The following TRIM44 variants were observed in gnomAD, a reference collection of about 807,000 sequenced individuals.
TRIM44 encodes the protein tripartite motif containing 44.
TRIM44 carries 13 observed loss-of-function variants against 37.4 expected under a neutral mutation model. That is an observed-to-expected ratio of 0.35 (90% CI 0.23 to 0.55). The LOEUF is 0.55. Among genes scored for constraint, TRIM44 ranks in the 20% least tolerant of loss-of-function variants. The probability of loss-of-function intolerance (pLI) is 0.89; values close to 1 mark genes in which losing one functional copy is unlikely to be tolerated. For missense variants in TRIM44, 426 were observed against 437.2 expected (o/e 0.97, Z 0.23); for synonymous variants, 175 against 157.2 (o/e 1.11, Z -0.85).
chr11:35,765,286 G>A (rs903320777), intron 4 of TRIM44, among the ~76,000 whole-genome samples: 2 of 152,114 alleles, frequency 1.3e-5, no homozygotes, highest in Non-Finnish European at 2.9e-5. Flanking sequence ...TTGCTTTCAA[G>A]GCATCATAGC....
chr11:35,809,434 TCA>T lies in TRIM44; in HGVS notation c.*3052_*3053del, dbSNP rs1172367635. ...TATGAATCTTCTTCAAAATGACATT[TCA>T]CAGTTATAGTTAGGGCTCAGAAATG... On this transcript the variant is annotated 3_prime_UTR_variant, in exon 5 of 5. Transcript: ENST00000299413. 6.6e-6 allele frequency: 1 copy of T among 152,194 alleles called. No homozygotes were observed. The highest frequency in any genetic ancestry group is 1.5e-5 in the Non-Finnish European group (1 of 68,034). The allele number at this position is 152,194 out of a possible 1,614,324, so 9.4% of individuals were successfully genotyped here.
intron 2 of TRIM44, among the ~76,000 whole-genome samples, chr11:35,687,590 C>T (rs191837435): frequency 4.6e-5 from 7 of 152,230 alleles, no homozygotes; most frequent in Admixed American, 3.9e-4. Flanking sequence ...GAAGAGGGAG[C>T]GGATGTGTAC....
intron 2 of TRIM44, among the ~76,000 whole-genome samples, chr11:35,722,625 GTA>G (rs1471194224): frequency 6.6e-6 from 1 of 152,236 alleles, no homozygotes; most frequent in Non-Finnish European, 1.5e-5. Context: ...TGGTGGGACT[GTA>G]ATGGTGAGGA....
intron 1 of TRIM44, among the ~76,000 whole-genome samples, chr11:35,683,049 G>T (rs971678022): frequency 2.6e-5 from 4 of 152,104 alleles, no homozygotes; most frequent in Non-Finnish European, 5.9e-5. Flanking sequence ...TGAGAAGCAG[G>T]TTAGAGGAAT....
intron 4 of TRIM44, among the ~76,000 whole-genome samples, chr11:35,739,553 G>A (rs1426384146): frequency 6.6e-6 from 1 of 152,110 alleles, no homozygotes; most frequent in Non-Finnish European, 1.5e-5. Flanking sequence ...CCTGTTTTCT[G>A]CAGGTTGCTT....
chr11:35,692,610 C>T (rs575222555), intron 2 of TRIM44, among the ~76,000 whole-genome samples: 11 of 151,978 alleles, frequency 7.2e-5, no homozygotes, highest in Non-Finnish European at 5.9e-5. Flanking sequence ...GACGTTTAAC[C>T]TGGATTATAT....
chr11:35,711,003 A>T (rs1474646453), intron 2 of TRIM44, among the ~76,000 whole-genome samples: 1 of 152,216 alleles, frequency 6.6e-6, no homozygotes, highest in Non-Finnish European at 1.5e-5. Flanking sequence ...ATATATAGAG[A>T]TAGAAAGAGA....
chr11:35,804,768 A>G (rs1853426824), intron 4 of TRIM44, among the ~76,000 whole-genome samples: 1 of 152,146 alleles, frequency 6.6e-6, no homozygotes. Flanking sequence ...TGATTGTATA[A>G]CCAGCAGGAA....
At chr11:35,708,606 T>C (rs1851920979) in intron 2 of TRIM44, among the ~76,000 whole-genome samples, 1 of 151,714 alleles carries the variant, frequency 6.6e-6, no homozygotes. Context: ...TTCATGTCCT[T>C]TGTAGGGACA....
intron 2 of TRIM44, among the ~76,000 whole-genome samples, chr11:35,696,861 C>CAATT (rs943637006): frequency 6.0e-5 from 9 of 151,020 alleles, no homozygotes; most frequent in African/African-American, 1.7e-4. Flanking sequence ...AAAAAAACAA[C>CAATT]AATTAATTAA....
intron 4 of TRIM44, among the ~76,000 whole-genome samples, chr11:35,790,791 AG>A (rs1403558061): frequency 6.6e-6 from 1 of 152,166 alleles, no homozygotes; most frequent in East Asian, 1.9e-4. Flanking sequence ...GTTGGAATGC[AG>A]GTGGGGATAG....
chr11:35,792,024 C>A lies in TRIM44; in HGVS notation c.1008-14334C>A, dbSNP rs185919711. Among the ~76,000 whole-genome samples the A allele has an allele frequency of 1.8e-3, 272 of 150,684 alleles. 2 individuals carry two copies. Among genetic ancestry groups the A allele is most frequent in the African/African-American group, 6.4e-3 (261 of 40,918 alleles). On this transcript the variant is annotated intron_variant, in intron 4 of 4. Transcript: ENST00000299413. ...TTATCTCATTTAATATTTGCATCAA[C>A]TCTTAAGAGGTAGATCTTAATACCA...
rs148740587 is a variant in TRIM44, at chr11:35,783,789, C to T, written c.1008-22569C>T. ...GTAATTCACTATGCCTATCAGTGAA[C>T]CTGTGCAAGCAGGTTTCTTTGTGAG... On this transcript the variant is annotated intron_variant, in intron 4 of 4. Coordinates refer to ENST00000299413, the MANE Select transcript of TRIM44 (RefSeq NM_017583.6). Among the ~76,000 whole-genome samples, 158 of 152,276 alleles carry T rather than the reference C, an allele frequency of 1.0e-3. 2 individuals are homozygous for T. In the South Asian group the frequency reaches 0.013, roughly 12 times the overall value.
At chr11:35,802,756 C>G (rs527945083) in intron 4 of TRIM44, among the ~76,000 whole-genome samples, 30 of 152,268 alleles carry the variant, frequency 2.0e-4, no homozygotes, top group Non-Finnish European at 3.2e-4. Context: ...AGACCTGCCA[C>G]CTAGAAGGGT....
In TRIM44 at chr11:35,810,961, T is replaced by A. The variant is rs564610484; in HGVS notation, c.*4576T>A. 17 of 152,338 alleles carry A rather than the reference T, an allele frequency of 1.1e-4. No homozygotes were observed. The highest frequency in any genetic ancestry group is 4.1e-4 in the African/African-American group (17 of 41,570). 9.4% of individuals were successfully genotyped at this position (152,338 alleles called of 1,614,324 possible). A position where few individuals can be genotyped will look rare whatever the true frequency, so the allele number is the denominator to read the frequency against. On this transcript the variant is annotated 3_prime_UTR_variant, in exon 5 of 5. Transcript: ENST00000299413. ...AGTATATCATTTTCATACTGTAAAT[T>A]ATTTTGTAAGAGAGATTTACTGCTA...
At chr11:35,687,186 C>T (rs981339721) in intron 2 of TRIM44, among the ~76,000 whole-genome samples, 3 of 152,178 alleles carry the variant, frequency 2.0e-5, no homozygotes, top group African/African-American at 7.2e-5. Flanking sequence ...TCACATTGTG[C>T]TGCAGTTTTC....
intron 2 of TRIM44, among the ~76,000 whole-genome samples, chr11:35,699,863 A>C (rs571936894): frequency 6.6e-6 from 1 of 152,224 alleles, no homozygotes; most frequent in Admixed American, 6.5e-5. Flanking sequence ...CTTCAAAGAG[A>C]CTAAAATATC....
rs193107504 is a variant in TRIM44, at chr11:35,758,195, C to T, written c.1007+22750C>T. Among the ~76,000 whole-genome samples the T allele has an allele frequency of 5.9e-5, 9 of 152,270 alleles. No homozygotes were observed. In the East Asian group the frequency reaches 1.7e-3, roughly 29 times the overall value. On this transcript the variant is annotated intron_variant, in intron 4 of 4. Coordinates refer to ENST00000299413, the MANE Select transcript of TRIM44 (RefSeq NM_017583.6). ...AATCTGGGTGCTCCTGTATTGGGTG[C>T]ACGTATATTTAGGATAGTTAGCTCT...
chr11:35,806,533 C>A lies in TRIM44; in HGVS notation c.*148C>A. The A allele has an allele frequency of 1.2e-6, 1 of 839,266 alleles. No homozygotes were observed. The highest frequency in any genetic ancestry group is 2.0e-6 in the Non-Finnish European group (1 of 502,566). 52.0% of individuals were successfully genotyped at this position (839,266 alleles called of 1,614,324 possible). A position where few individuals can be genotyped will look rare whatever the true frequency, so the allele number is the denominator to read the frequency against. ...CCCCAGATCCACAGCAGGCACATAT[C>A]TCTCCAAGGGATGACCAGTTTTATG... On this transcript the variant is annotated 3_prime_UTR_variant, in exon 5 of 5. Transcript: ENST00000299413.
Sources: allele counts gnomAD v4.1 joint callset (sites outside exome capture counted in the v4.1 genomes callset), GRCh38; gene constraint gnomAD v4.1.1; transcripts MANE v1.5; gene names NCBI Gene and HGNC (gene_info 2026-07-23, HGNC 2026-07-21).